Variants in CORIN observed in about 807,000 individuals in gnomAD.
The protein encoded by CORIN is atrial natriuretic peptide-converting enzyme.
A neutral mutation model predicts 125.3 loss-of-function variants in CORIN; 117 were observed. The ratio of observed to expected loss-of-function variants is 0.93; its 90% CI spans 0.80 to 1.09. The LOEUF (loss-of-function observed/expected upper bound fraction) is 1.09. Among genes scored for constraint, CORIN ranks in the 50% least tolerant of loss-of-function variants. The pLI is 0.00. For missense variants in CORIN, 1,253 were observed against 1,306.7 expected, an observed-to-expected ratio of 0.96 and a Z score of 0.63; for synonymous variants, 450 against 466.4, an observed-to-expected ratio of 0.96 and a Z score of 0.45.
intron 16 of CORIN, among the ~76,000 whole-genome samples, chr4:47,639,345 CTAACTT>C (rs537700499): frequency 3.9e-5 from 6 of 152,104 alleles, no homozygotes; most frequent in Non-Finnish European, 8.8e-5. Flanking sequence ...GGACTTTTTT[CTAACTT>C]TGTGTTCTTG....
intron 10 of CORIN, among the ~76,000 whole-genome samples, chr4:47,672,935 T>G (rs73238625): frequency 0.01 from 1,561 of 152,108 alleles, 18 homozygotes; most frequent in Middle Eastern, 0.017. Flanking sequence ...CTGTAACAGT[T>G]ATAGAGGTAC....
chr4:47,648,380 G>T (rs1002066108), intron 13 of CORIN, among the ~76,000 whole-genome samples: 4 of 152,158 alleles, frequency 2.6e-5, no homozygotes, highest in Non-Finnish European at 5.9e-5. Context: ...GGATTTAATT[G>T]ATTTGAGCAC....
chr4:47,743,478 T>C (rs952954504), intron 5 of CORIN, among the ~76,000 whole-genome samples: 3 of 152,214 alleles, frequency 2.0e-5, no homozygotes, highest in African/African-American at 7.2e-5. Context: ...ATGCTAAAGA[T>C]TGGGAAGGAT....
chr4:47,736,035 T>C (rs921849553), intron 5 of CORIN, among the ~76,000 whole-genome samples: 17 of 151,874 alleles, frequency 1.1e-4, no homozygotes, highest in African/African-American at 4.1e-4. Context: ...TACATAACAC[T>C]GATGATTTTT....
chr4:47,712,358 C>A (rs1726886146), intron 5 of CORIN, among the ~76,000 whole-genome samples: 1 of 152,236 alleles, frequency 6.6e-6, no homozygotes, highest in African/African-American at 2.4e-5. Context: ...TCTCCACTCA[C>A]TGCAAACTCT....
chr4:47,659,776 A>G (rs1337166559), intron 12 of CORIN, among the ~76,000 whole-genome samples: 1 of 152,198 alleles, frequency 6.6e-6, no homozygotes, highest in Non-Finnish European at 1.5e-5. Context: ...TCCAAACTAT[A>G]TCACTATGTA....
intron 4 of CORIN, among the ~76,000 whole-genome samples, chr4:47,758,507 C>G (rs1199826438): frequency 6.6e-6 from 1 of 152,036 alleles, no homozygotes; most frequent in Non-Finnish European, 1.5e-5. Flanking sequence ...ACACAAAAGA[C>G]AAAACAGCCA....
rs566391761 is a variant in CORIN at position 47,736,420 on chromosome 4, A to G, written c.799+7982T>C. Among the ~76,000 whole-genome samples the G allele has an allele frequency of 1.4e-4, 22 of 152,348 alleles. No homozygotes were observed. In the South Asian group the frequency reaches 3.7e-3, roughly 26 times the overall value. On this transcript the variant is annotated intron_variant, in intron 5 of 21. Transcript: ENST00000273857. Reference sequence around the variant, plus strand: ...GTTGGAAGGCATCTGAGAGCTGATGAGATAATTAAGATGTGAGTGGCCAAG... The same window carrying G: ...GTTGGAAGGCATCTGAGAGCTGATGGGATAATTAAGATGTGAGTGGCCAAG...
chr4:47,640,610 T>C (rs1723197790), intron 16 of CORIN, among the ~76,000 whole-genome samples: 1 of 152,248 alleles, frequency 6.6e-6, no homozygotes, highest in South Asian at 2.1e-4. Context: ...CACTGAATTA[T>C]ACACTTTAAA....
chr4:47,774,264 G>A (rs1373600579), intron 3 of CORIN, among the ~76,000 whole-genome samples: 1 of 152,170 alleles, frequency 6.6e-6, no homozygotes, highest in African/African-American at 2.4e-5. Context: ...AGGGCTGCAT[G>A]CTCCACTGGC....
intron 15 of CORIN, chr4:47,642,817 A>C (rs1409075738): frequency 6.9e-7 from 1 of 1,447,220 alleles, no homozygotes; most frequent in Non-Finnish European, 9.0e-7. Flanking sequence ...GAGGTGACAA[A>C]AGAATGGCAG....
chr4:47,831,551 A>C (rs968256119), intron 1 of CORIN: 1 of 152,278 alleles, frequency 6.6e-6, no homozygotes, highest in African/African-American at 2.4e-5. Context: ...GAAAGCGCTC[A>C]TTAGCAGAAC....
At chr4:47,595,997 A>G in intron 21 of CORIN, 94 bp from the exon 22 acceptor site, 1 of 970,900 alleles carries the variant, frequency 1.0e-6, no homozygotes, top group Non-Finnish European at 1.4e-6. Flanking sequence ...CTAAACCCAG[A>G]TTAACCAACT....
intron 1 of CORIN, among the ~76,000 whole-genome samples, chr4:47,820,685 A>C (rs898224191): frequency 2.6e-5 from 4 of 152,140 alleles, no homozygotes; most frequent in Non-Finnish European, 5.9e-5. Flanking sequence ...TGCCCGAAAA[A>C]TGAGCTCACA....
chr4:47,672,476 TAATAGTA>T (rs1724803740), intron 10 of CORIN, among the ~76,000 whole-genome samples: 1 of 152,162 alleles, frequency 6.6e-6, no homozygotes, highest in African/African-American at 2.4e-5. Flanking sequence ...CCCAAAACTT[TAATAGTA>T]AACACATGTC....
At chr4:47,721,170 G>C (rs1277881487) in intron 5 of CORIN, among the ~76,000 whole-genome samples, 2 of 123,330 alleles carry the variant, frequency 1.6e-5, no homozygotes, top group Admixed American at 7.5e-5. Context: ...TACAGACAGA[G>C]AGAGAGAGAG....
chr4:47,805,148 A>AAAAAAAATAATAATAATAATAAT (rs796469224), intron 2 of CORIN, among the ~76,000 whole-genome samples: 2 of 129,166 alleles, frequency 1.5e-5, no homozygotes, highest in African/African-American at 5.9e-5. Context: ...AAAAAAAAAA[A>AAAAAAAATAATAATAATAATAAT]AATAATAATA....
chr4:47,643,365 T>A, intron 14 of CORIN, 109 bp from the exon 15 acceptor site: 1 of 975,832 alleles, frequency 1.0e-6, no homozygotes, highest in Non-Finnish European at 1.5e-6. Flanking sequence ...GAAGAAAATA[T>A]GTGATCACTG....
At chr4:47,698,267 T>C (rs1726120231) in intron 5 of CORIN, among the ~76,000 whole-genome samples, 1 of 151,686 alleles carries the variant, frequency 6.6e-6, no homozygotes, top group African/African-American at 2.4e-5. Context: ...GTAATAACAT[T>C]AATATTATTA....
Sources: gnomAD v4.1 joint callset for allele counts (sites outside exome capture counted in the v4.1 genomes callset) on GRCh38, gnomAD v4.1.1 for gene constraint, MANE v1.5 for transcripts, NCBI Gene and HGNC (gene_info 2026-07-23, HGNC 2026-07-21) for gene names.